C1GALT1: variants seen among roughly 807,000 people sequenced by gnomAD.
C1GALT1 encodes the protein core 1 synthase, glycoprotein-N-acetylgalactosamine 3-beta-galactosyltransferase 1, also known as glycoprotein-N-acetylgalactosamine 3-beta-galactosyltransferase 1.
In C1GALT1, 11 loss-of-function variants were observed where a neutral mutation model predicts 31.0. The ratio of observed to expected loss-of-function variants is 0.36; its 90% confidence interval spans 0.22 to 0.59. The LOEUF (loss-of-function observed/expected upper bound fraction) is 0.59, where lower values mean the gene tolerates loss of function less well. Among genes scored for constraint, C1GALT1 ranks in the 20% least tolerant of loss-of-function variants. The probability of loss-of-function intolerance (pLI) is 0.79; values close to 1 mark genes in which losing one functional copy is unlikely to be tolerated. For synonymous variants in C1GALT1, 175 were observed against 143.6 expected (o/e 1.22, Z -1.56); for missense variants, 424 against 425.2 (o/e 1.00, Z 0.03).
At chr7:7,198,295 T>C (rs181249311) in intron 1 of C1GALT1, among the ~76,000 whole-genome samples, 128 of 152,330 alleles carry the variant, frequency 8.4e-4, no homozygotes, top group African/African-American at 2.9e-3. Flanking sequence ...GATAATCATG[T>C]GGTTTTTGTC....
At chr7:7,213,890 A>T (rs923656516) in intron 1 of C1GALT1, among the ~76,000 whole-genome samples, 1 of 152,234 alleles carries the variant, frequency 6.6e-6, no homozygotes, top group Non-Finnish European at 1.5e-5. Context: ...TATAAATATC[A>T]TGGGAGAAGA....
At chr7:7,193,538 A>G (rs11771509) in intron 1 of C1GALT1, among the ~76,000 whole-genome samples, 15 of 152,304 alleles carry the variant, frequency 9.8e-5, no homozygotes, top group South Asian at 2.1e-4. Context: ...TACCAGTACC[A>G]TGCTGTTTCG....
intron 1 of C1GALT1, among the ~76,000 whole-genome samples, chr7:7,212,357 A>G (rs1410431579): frequency 6.6e-6 from 1 of 152,122 alleles, no homozygotes; most frequent in Non-Finnish European, 1.5e-5. Context: ...AGGGAAACAC[A>G]CCCTTTCAGT....
intron 1 of C1GALT1, among the ~76,000 whole-genome samples, chr7:7,191,120 A>T (rs1171957680): frequency 6.6e-6 from 1 of 152,094 alleles, no homozygotes; most frequent in East Asian, 1.9e-4. Flanking sequence ...GAAGCTCTAT[A>T]TCCGTTTAAA....
At chr7:7,223,078 A>G (rs1406226065) in intron 1 of C1GALT1, among the ~76,000 whole-genome samples, 1 of 152,222 alleles carries the variant, frequency 6.6e-6, no homozygotes, top group African/African-American at 2.4e-5. Flanking sequence ...TAACCATAAC[A>G]TAAATTAATA....
intron 1 of C1GALT1, among the ~76,000 whole-genome samples, chr7:7,192,861 G>A (rs1028136544): frequency 6.6e-6 from 1 of 152,006 alleles, no homozygotes; most frequent in Non-Finnish European, 1.5e-5. Flanking sequence ...CAGGAGTAAG[G>A]TGGTATTGCA....
chr7:7,198,651 A>C (rs146951249), intron 1 of C1GALT1, among the ~76,000 whole-genome samples: 2,465 of 152,268 alleles, frequency 0.016, 35 homozygotes, highest in Non-Finnish European at 0.02. Flanking sequence ...TCGGCTGTGA[A>C]TCCATCTGGT....
intron 2 of C1GALT1, among the ~76,000 whole-genome samples, chr7:7,173,831 C>T (rs1056897992): frequency 5.3e-5 from 8 of 152,106 alleles, no homozygotes; most frequent in South Asian, 2.1e-4. Flanking sequence ...TAAGCCTGGG[C>T]GGTGGAGGTT....
At chr7:7,194,483 T>C (rs780182698) in intron 1 of C1GALT1, among the ~76,000 whole-genome samples, 75 of 152,178 alleles carry the variant, frequency 4.9e-4, no homozygotes, top group Non-Finnish European at 7.1e-4. Context: ...ATTATTGACT[T>C]GGGTATGTTA....
intron 1 of C1GALT1, among the ~76,000 whole-genome samples, chr7:7,190,986 AATAC>A (rs1212217336): frequency 1.8e-4 from 28 of 152,168 alleles, no homozygotes; most frequent in African/African-American, 6.8e-4. Context: ...ATTTTGGTAA[AATAC>A]ATACAAAGTT....
chr7:7,224,316 G>C (rs1489004596), intron 1 of C1GALT1, among the ~76,000 whole-genome samples: 1 of 150,942 alleles, frequency 6.6e-6, no homozygotes, highest in Admixed American at 6.6e-5. Context: ...AGGGTAATAT[G>C]AACTTGATAA....
rs1782502240 is a variant in C1GALT1 at position 7,221,315 on chromosome 7, T to TAGG, written c.-17-12985_-17-12983dup. Among the ~76,000 whole-genome samples the TAGG allele has an allele frequency of 5.3e-5, 8 of 152,336 alleles. No individual in the cohort carries two copies. The South Asian group carries it at 1.4e-3, about 28-fold the overall frequency. ...TTCAATTTTCTTACATTTTAATTTTTAGGAGTCTTTTGTCTTCTGATTTTT... is the reference window on the plus strand; with the variant it reads ...TTCAATTTTCTTACATTTTAATTTTTAGGAGGAGTCTTTTGTCTTCTGATTTTT... On this transcript the variant is annotated intron_variant, in intron 1 of 3. Transcript: ENST00000436587.
intron 1 of C1GALT1, among the ~76,000 whole-genome samples, chr7:7,227,497 G>C (rs1482396524): frequency 6.6e-6 from 1 of 152,088 alleles, no homozygotes; most frequent in African/African-American, 2.4e-5. Context: ...GAGGCGGGCG[G>C]ATCACGAGGT....
chr7:7,242,887 C>T (rs552814849), intron 3 of C1GALT1, among the ~76,000 whole-genome samples: 1 of 152,216 alleles, frequency 6.6e-6, no homozygotes, highest in South Asian at 2.1e-4. Context: ...AATTTACACA[C>T]ATTGTCTCCT....
chr7:7,186,896 A>C (rs974466997), intron 1 of C1GALT1, among the ~76,000 whole-genome samples: 1 of 152,248 alleles, frequency 6.6e-6, no homozygotes, highest in African/African-American at 2.4e-5. Flanking sequence ...GATTGTGGGT[A>C]GATCCTTGTA....
chr7:7,161,917 T>A (rs1780337354), intron 2 of C1GALT1, among the ~76,000 whole-genome samples: 4 of 152,114 alleles, frequency 2.6e-5, no homozygotes, highest in African/African-American at 9.7e-5. Context: ...GAGGGCTGAC[T>A]TACTGAAAGT....
intron 1 of C1GALT1, among the ~76,000 whole-genome samples, chr7:7,232,807 G>A (rs1783150560): frequency 6.6e-6 from 1 of 152,086 alleles, no homozygotes; most frequent in Admixed American, 6.5e-5. Flanking sequence ...GGCTTTTTAA[G>A]CACACAGACC....
chr7:7,236,053 A>G (rs1014268522), intron 2 of C1GALT1, among the ~76,000 whole-genome samples: 22 of 152,150 alleles, frequency 1.4e-4, no homozygotes, highest in Non-Finnish European at 7.3e-5. Flanking sequence ...TGTTCTACCT[A>G]GGTCCCTATC....
At chr7:7,218,866 C>G (rs1028962917) in intron 1 of C1GALT1, among the ~76,000 whole-genome samples, 4 of 148,668 alleles carry the variant, frequency 2.7e-5, no homozygotes, top group African/African-American at 1.0e-4. Context: ...TGGAGTCTTG[C>G]TCTGTCGCCC....
Sources: gnomAD v4.1 joint callset for allele counts (sites outside exome capture counted in the v4.1 genomes callset) on GRCh38, gnomAD v4.1.1 for gene constraint, MANE v1.5 for transcripts, NCBI Gene and HGNC (gene_info 2026-07-23, HGNC 2026-07-21) for gene names.